Variants in BLOC1S3 observed in about 807,000 individuals in gnomAD.
BLOC1S3 encodes the protein biogenesis of lysosomal organelles complex 1 subunit 3.
In BLOC1S3, 7 loss-of-function variants were observed where a neutral mutation model predicts 9.1. The ratio of observed to expected loss-of-function variants is 0.77; its 90% CI spans 0.44 to 1.45. BLOC1S3 has a LOEUF of 1.45. Among genes scored for constraint, BLOC1S3 ranks in the 40% most tolerant of loss-of-function variants. The pLI is 0.01. For synonymous variants in BLOC1S3, 145 were observed against 158.4 expected (o/e 0.92, Z 0.64); for missense variants, 307 against 315.2 (o/e 0.97, Z 0.20).
intron 3 of BLOC1S3, among the ~76,000 whole-genome samples, chr19:45,214,585 C>T (rs750778061): frequency 1.3e-5 from 2 of 152,134 alleles, no homozygotes; most frequent in African/African-American, 2.4e-5. Flanking sequence ...CTGCCTCAGC[C>T]TCCCGAGTAG....
chr19:45,212,782 T>C (rs976859479), intron 3 of BLOC1S3: 8 of 325,966 alleles, frequency 2.5e-5, no homozygotes, highest in East Asian at 1.1e-4. Flanking sequence ...TTTGTAGAGA[T>C]AGGGGGCAGG....
intron 3 of BLOC1S3, chr19:45,212,891 T>A: frequency 1.6e-6 from 1 of 644,024 alleles, no homozygotes; most frequent in East Asian, 3.4e-5. Context: ...TGAGCCACCG[T>A]GCCTGGCGTT....
intron 3 of BLOC1S3, among the ~76,000 whole-genome samples, chr19:45,212,026 C>T (rs1969777159): frequency 2.0e-5 from 3 of 152,058 alleles, no homozygotes. Context: ...GCCAGCCCTG[C>T]CCCCAACCTC....
chr19:45,181,665 G>C lies in BLOC1S3; in HGVS notation c.*1760G>C, dbSNP rs577004295. The C allele has an allele frequency of 6.0e-6, 1 of 167,002 alleles. No individual in the cohort carries two copies. Among genetic ancestry groups the C allele is most frequent in the African/African-American group, 2.4e-5 (1 of 41,390 alleles). 10.3% of individuals were successfully genotyped at this position (167,002 alleles called of 1,614,324 possible). ...CGATCCCAGCTCTGGTCCCTCAGCC[G>C]CATTCATATTTACTCTCCTCTCCCA... On this transcript the variant is annotated 3_prime_UTR_variant, in exon 2 of 2. Transcript: ENST00000433642.
intron 2 of BLOC1S3, among the ~76,000 whole-genome samples, chr19:45,192,546 G>A (rs906126843): frequency 1.3e-5 from 2 of 152,216 alleles, no homozygotes; most frequent in Non-Finnish European, 2.9e-5. Flanking sequence ...TCTGAAGTCA[G>A]TGTGTCTCTG....
At chr19:45,194,867 T>C (rs184132454) in intron 2 of BLOC1S3, among the ~76,000 whole-genome samples, 3 of 151,860 alleles carry the variant, frequency 2.0e-5, no homozygotes, top group Admixed American at 2.0e-4. Flanking sequence ...TATTTCTTCA[T>C]AGGGGTGGAA....
chr19:45,202,210 T>TA (rs59295257), intron 2 of BLOC1S3, among the ~76,000 whole-genome samples: 2,119 of 54,896 alleles, frequency 0.039, 123 homozygotes, highest in East Asian at 0.17. Context: ...AGACTCCATC[T>TA]AAAAAAAAAA....
chr19:45,212,172 G>T (rs1969779267), intron 3 of BLOC1S3, among the ~76,000 whole-genome samples: 1 of 152,204 alleles, frequency 6.6e-6, no homozygotes, highest in Non-Finnish European at 1.5e-5. Context: ...AGTGGCGAAG[G>T]CCTGGCCTCA....
chr19:45,206,450 G>GGTTTTTTTTTTTTTTT (rs1969726297), intron 3 of BLOC1S3, among the ~76,000 whole-genome samples: 1 of 55,152 alleles, frequency 1.8e-5, no homozygotes, highest in Admixed American at 2.4e-4. Context: ...GATTAATCAA[G>GGTTTTTTTTTTTTTTT]TTTTTTTTTT....
downstream of BLOC1S3, among the ~76,000 whole-genome samples, chr19:45,186,173 T>C (rs1427264023): frequency 1.3e-5 from 2 of 151,950 alleles, no homozygotes; most frequent in Non-Finnish European, 2.9e-5. Flanking sequence ...GGGGTGAGAC[T>C]GGGTCTGTCC....
In BLOC1S3 at chr19:45,180,130, C is replaced by T. The variant is rs1265904148; in HGVS notation, c.*225C>T. The T allele has an allele frequency of 4.2e-6, 2 of 479,796 alleles. No homozygotes were observed. Among genetic ancestry groups the T allele is most frequent in the Non-Finnish European group, 7.4e-6 (2 of 270,242 alleles). The allele number at this position is 479,796 out of a possible 1,614,324, so 29.7% of individuals were successfully genotyped here. On this transcript the variant is annotated 3_prime_UTR_variant, in exon 2 of 2. Coordinates refer to ENST00000433642, the MANE Select transcript of BLOC1S3 (RefSeq NM_212550.5). ...ACTATCCTTAGATCTGGTTCCTCTC[C>T]CGATCCTGACCCTGCCGCCTGGTTC...
chr19:45,186,522 C>T (rs142545150), downstream of BLOC1S3, among the ~76,000 whole-genome samples: 221 of 152,068 alleles, frequency 1.5e-3, 3 homozygotes, highest in East Asian at 0.012. Flanking sequence ...CTGGCCAACA[C>T]GGTGAAACCG....
At chr19:45,182,282 T>C (rs1442311482), downstream of BLOC1S3, among the ~76,000 whole-genome samples, 2 of 151,782 alleles carry the variant, frequency 1.3e-5, no homozygotes, top group African/African-American at 4.8e-5. Context: ...AGCTGGGGCA[T>C]GAGAATCGCT....
In BLOC1S3 at chr19:45,179,371, G is replaced by A. The variant is rs1177210949; in HGVS notation, c.75G>A (p.Thr25=). Residue 25 remains threonine (T), a synonymous_variant, in exon 2 of 2, where the codon ACG becomes ACA. Transcript: ENST00000433642. The surrounding 1 kb of genome is among the most constrained non-coding windows in gnomAD (Gnocchi z 4.6). Reference sequence around the variant, plus strand: ...TGGTGCCGGGGGAGGCGACCGAGACGGATTCCGAGCGCTCTGCGTCCTCGT... The same window carrying A: ...TGGTGCCGGGGGAGGCGACCGAGACAGATTCCGAGCGCTCTGCGTCCTCGT... ...ETVVPGEATE[T]DSERSASSSE... is the part of the protein sequence containing the mutation. 6.3e-7 allele frequency: 1 copy of A among 1,584,586 alleles called. No individual in the cohort carries two copies. The highest frequency in any genetic ancestry group is 8.5e-7 in the Non-Finnish European group (1 of 1,173,664).
intron 3 of BLOC1S3, among the ~76,000 whole-genome samples, chr19:45,215,714 C>T (rs1422078510): frequency 5.3e-5 from 8 of 152,144 alleles, no homozygotes; most frequent in Non-Finnish European, 1.0e-4. Context: ...ATGCCGCCTG[C>T]GCCTGCCGCT....
At chr19:45,205,129 A>T (rs536653477) in intron 3 of BLOC1S3, among the ~76,000 whole-genome samples, 2 of 152,108 alleles carry the variant, frequency 1.3e-5, no homozygotes, top group East Asian at 1.9e-4. Flanking sequence ...AGACTAAATG[A>T]AAAAGCATGA....
chr19:45,215,456 G>A (rs770638113), intron 3 of BLOC1S3, among the ~76,000 whole-genome samples: 1 of 151,864 alleles, frequency 6.6e-6, no homozygotes, highest in Non-Finnish European at 1.5e-5. Context: ...GGGAAACAGA[G>A]TGAGACCCTG....
At chr19:45,207,852 T>C (rs1374099061) in intron 3 of BLOC1S3, among the ~76,000 whole-genome samples, 2 of 152,084 alleles carry the variant, frequency 1.3e-5, no homozygotes, top group Non-Finnish European at 2.9e-5. Context: ...GTAAAACCAG[T>C]GAAATTGGAA....
rs779057729 is a variant in BLOC1S3, at chr19:45,213,074, G to A, written n.283-3602G>A. 1.2e-5 allele frequency: 18 copies of A among 1,493,358 alleles called. No homozygotes were observed. The East Asian group carries it at 1.9e-4, about 16-fold the overall frequency. 92.5% of individuals were successfully genotyped at this position (1,493,358 alleles called of 1,614,324 possible). A position where few individuals can be genotyped will look rare whatever the true frequency, so the allele number is the denominator to read the frequency against. The stretch of plus-strand genomic sequence containing the variant: ...GGCCGGCGGTTGGGTGACCCTCAGC[G>A]CTGGGCCCGAGGTCGCGCTAGAGAC... On this transcript the variant is annotated intron_variant and non_coding_transcript_variant, in intron 3 of 3. Transcript: ENST00000591569.
Sources: gnomAD v4.1 joint callset for allele counts (sites outside exome capture counted in the v4.1 genomes callset) on GRCh38, gnomAD v4.1.1 for gene constraint, Gnocchi (gnomAD v3.1) non-coding constraint, MANE v1.5 for transcripts, NCBI Gene and HGNC (gene_info 2026-07-23, HGNC 2026-07-21) for gene names.